Variants in OCA2 observed in about 807,000 individuals in gnomAD.
The protein encoded by OCA2 is OCA2 melanosomal transmembrane protein, also known as P protein.
Under a neutral mutation model 100.2 loss-of-function variants are expected in OCA2, and 77 were observed. The ratio of observed to expected loss-of-function variants is 0.77; its 90% CI spans 0.64 to 0.93. The LOEUF is 0.93. OCA2 is among the 40% of genes least tolerant of loss of function. The pLI is 0.00. For synonymous variants in OCA2, 432 were observed against 439.2 expected (o/e 0.98, Z 0.21); for missense variants, 1,062 against 1,089.1 (o/e 0.98, Z 0.35).
the OCA2 span, among the ~76,000 whole-genome samples, chr15:27,725,670 C>G: frequency 1.3e-5 from 2 of 152,226 alleles, no homozygotes; most frequent in East Asian, 3.9e-4. Flanking sequence ...TCTTTAAAGG[C>G]CCTTACTTTT....
intron 19 of OCA2, among the ~76,000 whole-genome samples, chr15:27,904,081 G>C (rs2038072223): frequency 6.6e-6 from 1 of 152,078 alleles, no homozygotes; most frequent in South Asian, 2.1e-4. Flanking sequence ...CCTTTATTCA[G>C]CTTCCCTGTG....
At chr15:27,978,095 A>G (rs2041027561) in intron 14 of OCA2, among the ~76,000 whole-genome samples, 1 of 152,216 alleles carries the variant, frequency 6.6e-6, no homozygotes, top group African/African-American at 2.4e-5. Flanking sequence ...GTTTCCAGAT[A>G]TTTGAGGATT....
intron 2 of OCA2, among the ~76,000 whole-genome samples, chr15:28,060,403 A>C (rs2043836853): frequency 6.6e-6 from 1 of 152,206 alleles, no homozygotes; most frequent in Non-Finnish European, 1.5e-5. Context: ...ATGAGCAATG[A>C]CTTGTCTGTT....
chr15:27,900,718 G>A (rs866355446), intron 19 of OCA2, among the ~76,000 whole-genome samples: 1 of 152,180 alleles, frequency 6.6e-6, no homozygotes, highest in Non-Finnish European at 1.5e-5. Flanking sequence ...TCAATTCTCA[G>A]AGGGAACTAG....
chr15:27,982,356 C>A (rs974005810), intron 14 of OCA2, among the ~76,000 whole-genome samples: 3 of 152,300 alleles, frequency 2.0e-5, no homozygotes, highest in Middle Eastern at 3.4e-3. Flanking sequence ...AAAAATACTT[C>A]TATTCCATGA....
chr15:27,845,363 G>A (rs2151381372), intron 22 of OCA2, among the ~76,000 whole-genome samples: 1 of 152,266 alleles, frequency 6.6e-6, no homozygotes, highest in Non-Finnish European at 1.5e-5. Context: ...AAACACAAGT[G>A]GGGCCAACAA....
intron 19 of OCA2, among the ~76,000 whole-genome samples, chr15:27,877,800 C>T (rs79563030): frequency 0.016 from 2,389 of 152,010 alleles, 55 homozygotes; most frequent in African/African-American, 0.05. Context: ...TCTGCTTTCT[C>T]AATATTTTCC....
intron 19 of OCA2, chr15:27,895,887 A>T (rs1266062028): frequency 3.5e-6 from 2 of 578,194 alleles, no homozygotes; most frequent in Admixed American, 2.3e-5. Context: ...GATATTATTT[A>T]TCAGGTTGCT....
At chr15:27,844,562 T>A (rs529584607) in intron 23 of OCA2, among the ~76,000 whole-genome samples, 1 of 152,166 alleles carries the variant, frequency 6.6e-6, no homozygotes, top group Non-Finnish European at 1.5e-5. Context: ...CAGGCTGGAG[T>A]GCAGTGGTGC....
intron 19 of OCA2, among the ~76,000 whole-genome samples, chr15:27,893,149 C>T (rs535593670): frequency 7.2e-5 from 11 of 152,304 alleles, no homozygotes; most frequent in Admixed American, 2.0e-4. Context: ...CGGCTGGAGC[C>T]GTGGCAGAGG....
chr15:28,077,060 GTTT>G (rs1020481789), intron 2 of OCA2, among the ~76,000 whole-genome samples: 1 of 131,106 alleles, frequency 7.6e-6, no homozygotes. Flanking sequence ...TGCTTAATTT[GTTT>G]TTTTTTTTTT....
chr15:27,732,493 C>A, the OCA2 span, among the ~76,000 whole-genome samples: 1 of 152,260 alleles, frequency 6.6e-6, no homozygotes, highest in Non-Finnish European at 1.5e-5. Context: ...GGGCTGCCAG[C>A]AGAAGACTTC....
chr15:27,967,669 G>A (rs1438453414), intron 14 of OCA2, among the ~76,000 whole-genome samples: 3 of 152,234 alleles, frequency 2.0e-5, no homozygotes, highest in African/African-American at 7.2e-5. Context: ...CTTAGAGCAT[G>A]GGGACCAGCC....
intron 19 of OCA2, among the ~76,000 whole-genome samples, chr15:27,894,341 A>G (rs1490334664): frequency 6.6e-6 from 1 of 152,186 alleles, no homozygotes; most frequent in Non-Finnish European, 1.5e-5. Context: ...AGGTACTGGG[A>G]GACGCATAGC....
chr15:27,987,598 G>T, intron 11 of OCA2, among the ~76,000 whole-genome samples: 1 of 151,534 alleles, frequency 6.6e-6, no homozygotes. Flanking sequence ...GTGGGGTGGC[G>T]GGCGCCTGTA....
At chr15:27,722,283 T>C in the OCA2 span, among the ~76,000 whole-genome samples, 2 of 152,196 alleles carry the variant, frequency 1.3e-5, no homozygotes, top group African/African-American at 4.8e-5. Flanking sequence ...TTTGCAAATA[T>C]CCGGGGGCAT....
intron 16 of OCA2, among the ~76,000 whole-genome samples, 189 bp from the exon 17 acceptor site, chr15:27,955,404 C>CA (rs36021830): frequency 5.9e-5 from 9 of 151,818 alleles, no homozygotes; most frequent in Non-Finnish European, 8.8e-5. Context: ...TCTATTTTCC[C>CA]AAAAAAATAC....
At chr15:27,749,599 A>AT in the OCA2 span, among the ~76,000 whole-genome samples, 43 of 151,036 alleles carry the variant, frequency 2.8e-4, no homozygotes, top group Non-Finnish European at 5.2e-4. Context: ...ATACCAAGGA[A>AT]TTTTTTTTTT....
chr15:27,883,369 G>A lies in OCA2; in HGVS notation c.2080-11447C>T, dbSNP rs1212081019. Among the ~76,000 whole-genome samples the A allele has an allele frequency of 4.6e-5, 7 of 152,250 alleles. No individual in the cohort carries two copies. The East Asian group carries it at 1.2e-3, about 25-fold the overall frequency. On this transcript the variant is annotated intron_variant, in intron 19 of 23. Coordinates refer to ENST00000354638, the MANE Select transcript of OCA2 (RefSeq NM_000275.3). ...CCAGTTTTCATTGTAATCAGAGGGA[G>A]GCGTGAGCTTTAGTAGGTTTACACG...
Sources: gnomAD v4.1 joint callset for allele counts (sites outside exome capture counted in the v4.1 genomes callset) on GRCh38, gnomAD v4.1.1 for gene constraint, MANE v1.5 for transcripts, NCBI Gene and HGNC (gene_info 2026-07-23, HGNC 2026-07-21) for gene names.